Variants in P2RX1 observed in about 807,000 individuals in gnomAD.
P2RX1 encodes purinergic receptor P2X 1.
Under a neutral mutation model 50.3 loss-of-function variants are expected in P2RX1, and 42 were observed. That is an observed-to-expected ratio of 0.83 (90% CI 0.65 to 1.08). P2RX1 has a LOEUF of 1.08. Among genes scored for constraint, P2RX1 ranks in the 50% least tolerant of loss-of-function variants. P2RX1 has a pLI of 0.00. For synonymous variants in P2RX1, 199 were observed against 202.6 expected (o/e 0.98, Z 0.15); for missense variants, 449 against 529.0 (o/e 0.85, Z 1.48).
At chr17:3,906,158 G>T (rs538815519) in intron 1 of P2RX1, among the ~76,000 whole-genome samples, 2 of 152,068 alleles carry the variant, frequency 1.3e-5, no homozygotes, top group African/African-American at 4.8e-5. Flanking sequence ...TTGAGACGGA[G>T]TCTCGCTTTG....
At position 3,913,815 on chromosome 17, in the gene P2RX1, AAGCCCTCCTC is replaced by A. The variant is rs1279170598; in HGVS notation, c.137+2264_137+2273del. Among the ~76,000 whole-genome samples, 7 of 152,248 alleles carry A rather than the reference AAGCCCTCCTC, an allele frequency of 4.6e-5. No homozygotes were observed. In the East Asian group the frequency reaches 5.8e-4, roughly 13 times the overall value. On this transcript the variant is annotated intron_variant, in intron 1 of 11. Coordinates refer to ENST00000225538, the MANE Select transcript of P2RX1 (RefSeq NM_002558.4). ...GCCCACAGGATCAGACATGAAAGCAAAGCCCTCCTCAGGAAACAGCAAAGTGCTGAGCTGA... is the reference window on the plus strand; with the variant it reads ...GCCCACAGGATCAGACATGAAAGCAAAGGAAACAGCAAAGTGCTGAGCTGA...
intron 10 of P2RX1, 26 bp from the exon 11 acceptor site, chr17:3,898,136 C>G (rs1444911106): frequency 2.5e-6 from 4 of 1,597,232 alleles, no homozygotes; most frequent in African/African-American, 1.3e-5. Context: ...GGCACGGAGA[C>G]AGCGTGGGAA....
rs541275581 is a variant in P2RX1, at chr17:3,916,251, G to A, written c.-26C>T. On this transcript the variant is annotated 5_prime_UTR_variant, in exon 1 of 12. Transcript: ENST00000225538. ...GGTGGGCCGGCTGGGGCTCAGAACTGAGCCCCCTGCACGGCCTCTGCTCTC... is the reference window on the plus strand; with the variant it reads ...GGTGGGCCGGCTGGGGCTCAGAACTAAGCCCCCTGCACGGCCTCTGCTCTC... 3.1e-6 allele frequency: 5 copies of A among 1,610,860 alleles called. No individual in the cohort carries two copies. Among genetic ancestry groups the A allele is most frequent in the Non-Finnish European group, 4.2e-6 (5 of 1,178,782 alleles).
In P2RX1 at chr17:3,914,909, G is replaced by A. The variant is rs2056423564; in HGVS notation, c.137+1180C>T. On this transcript the variant is annotated intron_variant, in intron 1 of 11. Coordinates refer to ENST00000225538, the MANE Select transcript of P2RX1 (RefSeq NM_002558.4). This position sits in a 1 kb window ranked among gnomAD's most constrained non-coding sequence, Gnocchi z 4.1. Reference sequence around the variant, plus strand: ...GAGGTCAAGGCTGGGGTCTGGCCCTGGGTCCACCTGGCCGGCTCTGAGGTT... The same window carrying A: ...GAGGTCAAGGCTGGGGTCTGGCCCTAGGTCCACCTGGCCGGCTCTGAGGTT... 1.3e-5 allele frequency among the ~76,000 whole-genome samples: 2 copies of A among 152,188 alleles called. No homozygotes were observed. The highest frequency in any genetic ancestry group is 2.4e-5 in the African/African-American group (1 of 41,440).
chr17:3,910,792 C>T (rs911788241), intron 1 of P2RX1, among the ~76,000 whole-genome samples: 5 of 152,142 alleles, frequency 3.3e-5, no homozygotes, highest in South Asian at 2.1e-4. Context: ...GCAGACAAGT[C>T]GAGGGGCATC....
chr17:3,907,425 G>C (rs947583435), intron 1 of P2RX1, among the ~76,000 whole-genome samples: 7 of 151,714 alleles, frequency 4.6e-5, no homozygotes, highest in African/African-American at 1.7e-4. Flanking sequence ...ACCCTACCCC[G>C]AGCTCACCTG....
Position 3,904,847 on chromosome 17 carries a change from GA to G in P2RX1, c.357+10del, listed in dbSNP as rs2056229248. ...AGTCCCAGAAGGGGGCTGGCGGGCA[GA>G]AGTCCTCACCTCTGCGCAGTAGCCT... On this transcript the variant is annotated intron_variant, in intron 3 of 11. Coordinates refer to ENST00000225538, the MANE Select transcript of P2RX1 (RefSeq NM_002558.4). 6.9e-6 allele frequency: 11 copies of G among 1,586,328 alleles called. No individual in the cohort carries two copies. The highest frequency in any genetic ancestry group is 9.4e-6 in the Non-Finnish European group (11 of 1,166,386).
intron 1 of P2RX1, among the ~76,000 whole-genome samples, chr17:3,907,290 C>CATGTGTGT (rs3222958): frequency 7.4e-6 from 1 of 134,358 alleles, no homozygotes; most frequent in Non-Finnish European, 1.6e-5. Flanking sequence ...TTCAGGGTAA[C>CATGTGTGT]GTGTGTGTGT....
chr17:3,898,013 C>G lies in P2RX1; in HGVS notation c.1130G>C (p.Gly377Ala), dbSNP rs771992180. The change falls in exon 11 of 12, where the codon GGG (glycine) becomes GCG (alanine). Residue 377 changes from glycine (G) to alanine (A), a missense_variant. Physicochemically the swap from Gly to Ala is moderately conservative, Grantham distance 60. Coordinates refer to ENST00000225538, the MANE Select transcript of P2RX1 (RefSeq NM_002558.4). ...TGGCTCGGGGGGTTCTCTTACCGCC[C>G]CTGGCCCCATGTCCTCAGCGTATTT... ...KFKYAEDMGP[G>A]AAERDLAATS... The G allele has an allele frequency of 9.3e-6, 15 of 1,613,648 alleles. No homozygotes were observed. In the South Asian group the frequency reaches 1.5e-4, roughly 17 times the overall value.
intron 1 of P2RX1, chr17:3,915,581 T>C (rs2052389788): frequency 4.4e-6 from 2 of 456,722 alleles, no homozygotes; most frequent in Non-Finnish European, 8.8e-6. Flanking sequence ...GCACCAGGTA[T>C]TCAGAATGTG....
In P2RX1 at chr17:3,903,846, G is replaced by A. The variant is rs2056203366; in HGVS notation, c.524+82C>T. 1 of 1,287,194 alleles carries A rather than the reference G, an allele frequency of 7.8e-7. No homozygotes were observed. Among genetic ancestry groups the A allele is most frequent in the Non-Finnish European group, 1.1e-6 (1 of 884,894 alleles). 79.7% of individuals were successfully genotyped at this position (1,287,194 alleles called of 1,614,324 possible). A position where few individuals can be genotyped will look rare whatever the true frequency, so the allele number is the denominator to read the frequency against. On this transcript the variant is annotated intron_variant, in intron 5 of 11. Coordinates refer to ENST00000225538, the MANE Select transcript of P2RX1 (RefSeq NM_002558.4). This position sits in a 1 kb window ranked among gnomAD's most constrained non-coding sequence, Gnocchi z 4.6. ...GGTGAGGGTGGGGTCAGAAAAAGGG[G>A]TAAAGATCCTTTCTAGACCTAGGCC...
rs763026005 is a variant in P2RX1 at position 3,899,652 on chromosome 17, G to C, written c.857C>G (p.Ser286Cys). The change falls in exon 8 of 12, where the codon TCC becomes TGC. Residue 286 changes from serine (S) to cysteine (C), a missense_variant. Physicochemically the swap from Ser to Cys is moderately radical, Grantham distance 112. Coordinates refer to ENST00000225538, the MANE Select transcript of P2RX1 (RefSeq NM_002558.4). ...CAGACACCTGAAGTTGAAGCCTGGG[G>C]AGAGATTTTTCTCTTCGTACAGCCC... is the stretch of plus-strand genomic sequence containing the variant. Reference protein sequence around the residue: ...FHGLYEEKNLSPGFNFRFARH... With the variant: ...FHGLYEEKNLCPGFNFRFARH... 1.9e-6 allele frequency: 3 copies of C among 1,613,640 alleles called. No individual in the cohort carries two copies. The highest frequency in any genetic ancestry group is 2.5e-6 in the Non-Finnish European group (3 of 1,179,700).
At chr17:3,904,468 C>G in intron 3 of P2RX1, 69 bp from the exon 4 acceptor site, 1 of 1,339,550 alleles carries the variant, frequency 7.5e-7, no homozygotes, top group Non-Finnish European at 1.1e-6. Context: ...CCTCTCCCCA[C>G]CCCCCAGGGC....
intron 1 of P2RX1, among the ~76,000 whole-genome samples, chr17:3,913,671 G>C (rs1462302060): frequency 1.3e-5 from 2 of 152,190 alleles, no homozygotes; most frequent in Non-Finnish European, 2.9e-5. Flanking sequence ...GTGCTCTGGC[G>C]TTTGTCCCTC....
In P2RX1 at chr17:3,903,597, G is replaced by C. The variant is rs771304901; in HGVS notation, c.559C>G (p.Leu187Val). 17 of 1,614,208 alleles carry C rather than the reference G, an allele frequency of 1.1e-5. No individual in the cohort carries two copies. Among genetic ancestry groups the C allele is most frequent in the Non-Finnish European group, 1.4e-5 (16 of 1,180,040 alleles). ...AAGCTGATGCTGTTCTTGATGAAAAGAGTGAAGTTCTCGGCCTCTCGGAGA... is the reference window on the plus strand; with the variant it reads ...AAGCTGATGCTGTTCTTGATGAAAACAGTGAAGTTCTCGGCCTCTCGGAGA... ...ALLREAENFTLFIKNSISFPR... is the reference protein window; with the variant it reads ...ALLREAENFTVFIKNSISFPR... The change falls in exon 6 of 12, where the codon CTT becomes GTT. Residue 187 changes from leucine (L) to valine (V), a missense_variant. Transcript: ENST00000225538. The surrounding 1 kb of genome is among the most constrained non-coding windows in gnomAD (Gnocchi z 4.6).
intron 7 of P2RX1, among the ~76,000 whole-genome samples, chr17:3,901,713 G>A (rs1394223121): frequency 6.6e-6 from 1 of 152,252 alleles, no homozygotes; most frequent in Non-Finnish European, 1.5e-5. Context: ...AACTGCAAGG[G>A]CAGGACTAAT....
intron 3 of P2RX1, 182 bp downstream of exon 3, chr17:3,904,676 C>A (rs949627031): frequency 1.9e-5 from 12 of 638,100 alleles, no homozygotes; most frequent in African/African-American, 5.5e-5. Context: ...GTGTGCTGGG[C>A]GGGAAGGCTC....
In P2RX1 at chr17:3,903,839, A is replaced by C; in HGVS notation, c.524+89T>G. The C allele has an allele frequency of 7.9e-7, 1 of 1,261,500 alleles. No homozygotes were observed. Among genetic ancestry groups the C allele is most frequent in the East Asian group, 2.3e-5 (1 of 42,712 alleles). 78.1% of individuals were successfully genotyped at this position (1,261,500 alleles called of 1,614,324 possible). On this transcript the variant is annotated intron_variant, in intron 5 of 11. Coordinates refer to ENST00000225538, the MANE Select transcript of P2RX1 (RefSeq NM_002558.4). The surrounding 1 kb of genome is among the most constrained non-coding windows in gnomAD (Gnocchi z 4.6). ...CGGATGGGGTGAGGGTGGGGTCAGA[A>C]AAAGGGGTAAAGATCCTTTCTAGAC... is the stretch of plus-strand genomic sequence containing the variant.
intron 7 of P2RX1, among the ~76,000 whole-genome samples, chr17:3,900,476 A>G (rs1430626093): frequency 6.6e-6 from 1 of 152,084 alleles, no homozygotes; most frequent in Admixed American, 6.6e-5. Flanking sequence ...ACAACAAAAA[A>G]AACTGGACAT....
Sources: gnomAD v4.1 joint callset for allele counts (sites outside exome capture counted in the v4.1 genomes callset) on GRCh38, gnomAD v4.1.1 for gene constraint, Gnocchi (gnomAD v3.1) non-coding constraint, MANE v1.5 for transcripts, NCBI Gene and HGNC (gene_info 2026-07-23, HGNC 2026-07-21) for gene names.